The following RTN3 variants were observed in gnomAD, a reference collection of about 807,000 sequenced individuals.
The protein encoded by RTN3 is reticulon-3.
In RTN3, 49 loss-of-function variants were observed where a neutral mutation model predicts 77.8. The ratio of observed to expected loss-of-function variants is 0.63; its 90% CI spans 0.50 to 0.80. RTN3 has a LOEUF of 0.80. Among genes scored for constraint, RTN3 ranks in the 30% least tolerant of loss-of-function variants. RTN3 has a pLI of 0.00. For missense variants in RTN3, 1,236 were observed against 1,211.9 expected, an observed-to-expected ratio of 1.02 and a Z score of -0.29; for synonymous variants, 464 against 446.9, an observed-to-expected ratio of 1.04 and a Z score of -0.48.
In RTN3 at chr11:63,693,255, G is replaced by A. The variant is rs2957251; in HGVS notation, c.142+11477G>A. ...TCCCAGCACTTTGGGAGGCCGAGGC[G>A]AGCGGATCACCTGAGGTCAGGAGTT... is the stretch of plus-strand genomic sequence containing the variant. On this transcript the variant is annotated intron_variant, in intron 1 of 8. Coordinates refer to ENST00000377819, the MANE Select transcript of RTN3 (RefSeq NM_001265589.2). Among the ~76,000 whole-genome samples, 1,009 of 152,244 alleles carry A rather than the reference G, an allele frequency of 6.6e-3. 11 individuals carry two copies. Among genetic ancestry groups the A allele is most frequent in the African/African-American group, 0.023 (954 of 41,552 alleles).
intron 3 of RTN3, among the ~76,000 whole-genome samples, chr11:63,727,961 C>T (rs1217081208): frequency 1.3e-5 from 2 of 152,064 alleles, no homozygotes; most frequent in African/African-American, 2.4e-5. Flanking sequence ...AAAACCATAC[C>T]TTGGTGTATG....
rs370047599 is a variant in RTN3, at chr11:63,720,214, T to C, written c.1712T>C (p.Ile571Thr). Residue 571 changes from isoleucine (I) to threonine (T), a missense_variant, in exon 3 of 9, where the codon ATT (isoleucine) becomes ACT (threonine). Transcript: ENST00000377819. The stretch of plus-strand genomic sequence containing the variant: ...GAGCTGCATCAAGATCAGCCTGATA[T>C]TCTTGGAAGGAGTCCAGCTAGTGAG... ...DSELHQDQPD[I>T]LGRSPASEAA... The C allele has an allele frequency of 5.6e-6, 9 of 1,614,046 alleles. No individual in the cohort carries two copies. Among genetic ancestry groups the C allele is most frequent in the South Asian group, 3.3e-5 (3 of 91,082 alleles).
chr11:63,685,064 G>A (rs1941294904), intron 1 of RTN3, among the ~76,000 whole-genome samples: 1 of 152,112 alleles, frequency 6.6e-6, no homozygotes, highest in South Asian at 2.1e-4. Flanking sequence ...CCAGCCAAGA[G>A]ACTCTTATCT....
rs2011595398 is a variant in RTN3 at position 63,719,437 on chromosome 11, G to A, written c.935G>A (p.Ser312Asn). 1.2e-6 allele frequency: 2 copies of A among 1,614,028 alleles called. No homozygotes were observed. Among genetic ancestry groups the A allele is most frequent in the South Asian group, 1.1e-5 (1 of 91,082 alleles). Residue 312 changes from serine to asparagine, a missense_variant, in exon 3 of 9, where the codon AGT becomes AAT. Around this residue, in one of 3 missense-constraint regions of RTN3, gnomAD observed 1,056 missense variants for 990.4 expected, o/e 1.07. Transcript: ENST00000377819. ...AGRYPMSALLSRQFSHTNAAL... is the reference protein window; with the variant it reads ...AGRYPMSALLNRQFSHTNAAL... Reference sequence around the variant, plus strand: ...CGTTACCCAATGTCTGCATTGCTCAGTAGGCAGTTTTCACACACAAATGCA... The same window carrying A: ...CGTTACCCAATGTCTGCATTGCTCAATAGGCAGTTTTCACACACAAATGCA...
intron 3 of RTN3, chr11:63,746,920 T>G: frequency 2.2e-6 from 1 of 455,572 alleles, no homozygotes; most frequent in South Asian, 1.5e-5. Context: ...AATGATGTCT[T>G]TATAGCTGTG....
chr11:63,684,991 C>G (rs1378937560), intron 1 of RTN3, among the ~76,000 whole-genome samples: 1 of 151,936 alleles, frequency 6.6e-6, no homozygotes, highest in Non-Finnish European at 1.5e-5. Context: ...AACTCCTGAC[C>G]TCAAGTGATC....
At chr11:63,710,129 A>G (rs532387174) in intron 2 of RTN3, among the ~76,000 whole-genome samples, 1 of 152,376 alleles carries the variant, frequency 6.6e-6, no homozygotes, top group South Asian at 2.1e-4. Context: ...GGGAAAAAGA[A>G]GCAGAATAAA....
chr11:63,744,933 A>C (rs1294483952), intron 3 of RTN3, among the ~76,000 whole-genome samples: 1 of 152,196 alleles, frequency 6.6e-6, no homozygotes, highest in Non-Finnish European at 1.5e-5. Flanking sequence ...CAGAGGTTGC[A>C]ATGGGTCAAG....
chr11:63,690,667 G>A lies in RTN3; in HGVS notation c.142+8889G>A, dbSNP rs577088131. On this transcript the variant is annotated intron_variant, in intron 1 of 8. Transcript: ENST00000377819. ...TAAAAGTCTTAATTTCTGGCTCCACGGTTCTTAAGCCAGGTGCCTTTTTAT... is the reference window on the plus strand; with the variant it reads ...TAAAAGTCTTAATTTCTGGCTCCACAGTTCTTAAGCCAGGTGCCTTTTTAT... 1.1e-3 allele frequency among the ~76,000 whole-genome samples: 164 copies of A among 152,184 alleles called. 2 individuals are homozygous for A. The highest frequency in any genetic ancestry group is 0.01 in the Middle Eastern group (3 of 294).
chr11:63,708,561 C>T (rs1189054832), intron 2 of RTN3, among the ~76,000 whole-genome samples: 1 of 152,116 alleles, frequency 6.6e-6, no homozygotes, highest in African/African-American at 2.4e-5. Flanking sequence ...TAAAAAATGT[C>T]ATTGATTCAG....
chr11:63,719,973 A>C lies in RTN3; in HGVS notation c.1471A>C (p.Ile491Leu). 1.9e-6 allele frequency: 3 copies of C among 1,614,174 alleles called. 1 individual carries two copies. Among genetic ancestry groups the C allele is most frequent in the Non-Finnish European group, 2.5e-6 (3 of 1,180,026 alleles). ...MDWQSSALGE[I>L]TEADSSGESD... Reference sequence around the variant, plus strand: ...CTGGCAGAGCTCTGCATTGGGAGAAATCACAGAAGCTGATAGTTCTGGTGA... The same window carrying C: ...CTGGCAGAGCTCTGCATTGGGAGAACTCACAGAAGCTGATAGTTCTGGTGA... Residue 491 changes from isoleucine to leucine, a missense_variant, in exon 3 of 9, where the codon ATC (isoleucine) becomes CTC (leucine). Around this residue, in one of 3 missense-constraint regions of RTN3, gnomAD observed 1,056 missense variants for 990.4 expected, o/e 1.07. Coordinates refer to ENST00000377819, the MANE Select transcript of RTN3 (RefSeq NM_001265589.2).
In RTN3 at chr11:63,718,718, T is replaced by C. The variant is rs1373499183; in HGVS notation, c.216T>C (p.Leu72=). The stretch of plus-strand genomic sequence containing the variant: ...TGATCATAGAGGGATTGAGCTCTCT[T>C]TGCTCTGATGAGCCATCTTCAGAAA... ...FSTSQEGLSS[L]CSDEPSSEIM... Residue 72 remains leucine, a synonymous_variant, in exon 3 of 9, where the codon CTT becomes CTC. Coordinates refer to ENST00000377819, the MANE Select transcript of RTN3 (RefSeq NM_001265589.2). 2.5e-6 allele frequency: 4 copies of C among 1,588,676 alleles called. No homozygotes were observed. The highest frequency in any genetic ancestry group is 3.4e-4 in the Middle Eastern group (2 of 5,904).
chr11:63,726,020 T>A (rs2012236810), intron 3 of RTN3, among the ~76,000 whole-genome samples: 1 of 152,172 alleles, frequency 6.6e-6, no homozygotes, highest in Non-Finnish European at 1.5e-5. Context: ...TTGGTATCAT[T>A]TAAAGTGAAT....
Position 63,759,477 on chromosome 11 carries a change from T to C in RTN3, c.*1276T>C, listed in dbSNP as rs1425024927. ...AAAATTAGTTAGGAATTTGGATGGG[T>C]AAAAGGTACCCTTGCCTTACTCCAT... On this transcript the variant is annotated 3_prime_UTR_variant, in exon 9 of 9. Coordinates refer to ENST00000377819, the MANE Select transcript of RTN3 (RefSeq NM_001265589.2). 2 of 152,632 alleles carry C rather than the reference T, an allele frequency of 1.3e-5. No homozygotes were observed. The highest frequency in any genetic ancestry group is 3.8e-4 in the East Asian group (2 of 5,198). The allele number at this position is 152,632 out of a possible 1,614,324, so 9.5% of individuals were successfully genotyped here. A position where few individuals can be genotyped will look rare whatever the true frequency, so the allele number is the denominator to read the frequency against.
intron 1 of RTN3, among the ~76,000 whole-genome samples, chr11:63,704,384 T>C (rs908212110): frequency 2.0e-5 from 3 of 152,194 alleles, no homozygotes; most frequent in Admixed American, 6.5e-5. Flanking sequence ...TAAAAAAATA[T>C]TTAGGGTCAA....
At chr11:63,744,520 G>T (rs2013682776) in intron 3 of RTN3, among the ~76,000 whole-genome samples, 1 of 152,100 alleles carries the variant, frequency 6.6e-6, no homozygotes, top group African/African-American at 2.4e-5. Flanking sequence ...ACTGTAGGCA[G>T]TGTGGTACAG....
In RTN3 at chr11:63,681,881, A is replaced by G; in HGVS notation, c.142+103A>G. 3.2e-6 allele frequency: 4 copies of G among 1,234,302 alleles called. No homozygotes were observed. In the South Asian group the frequency reaches 6.3e-5, roughly 19 times the overall value. The allele number at this position is 1,234,302 out of a possible 1,614,324, so 76.5% of individuals were successfully genotyped here. A position where few individuals can be genotyped will look rare whatever the true frequency, so the allele number is the denominator to read the frequency against. On this transcript the variant is annotated intron_variant, in intron 1 of 8. Coordinates refer to ENST00000377819, the MANE Select transcript of RTN3 (RefSeq NM_001265589.2). Reference sequence around the variant, plus strand: ...GCGGGAGGAGGACGAATTACCCTCGACTACTGACGGCTTCAGCCCCCCGGG... The same window carrying G: ...GCGGGAGGAGGACGAATTACCCTCGGCTACTGACGGCTTCAGCCCCCCGGG...
chr11:63,740,374 C>T (rs1441692375), intron 3 of RTN3, among the ~76,000 whole-genome samples: 2 of 151,760 alleles, frequency 1.3e-5, no homozygotes, highest in African/African-American at 2.4e-5. Context: ...CTTCACTCCC[C>T]AGGTTCAAGT....
At chr11:63,699,667 C>T (rs927088151) in intron 1 of RTN3, among the ~76,000 whole-genome samples, 1 of 152,178 alleles carries the variant, frequency 6.6e-6, no homozygotes, top group African/African-American at 2.4e-5. Flanking sequence ...CCAATTGTTC[C>T]TTCTCCCCAG....
Sources: gnomAD v4.1 joint callset for allele counts (sites outside exome capture counted in the v4.1 genomes callset) on GRCh38, gnomAD v4.1.1 for gene constraint, gnomAD v4.1.1 regional missense constraint, MANE v1.5 for transcripts, NCBI Gene and HGNC (gene_info 2026-07-23, HGNC 2026-07-21) for gene names.